Variants in DPP10 observed in about 807,000 individuals in gnomAD.
DPP10 encodes the protein inactive dipeptidyl peptidase 10.
A neutral mutation model predicts 120.9 loss-of-function variants in DPP10; 33 were observed. That is an observed-to-expected ratio of 0.27 (90% CI 0.21 to 0.37). DPP10 has a LOEUF of 0.37. Among genes scored for constraint, DPP10 ranks in the 10% least tolerant of loss-of-function variants. The pLI, the probability that DPP10 is intolerant of heterozygous loss-of-function variation, is 1.00. For missense variants in DPP10, 816 were observed against 942.8 expected, an observed-to-expected ratio of 0.87 and a Z score of 1.76; for synonymous variants, 337 against 326.1, an observed-to-expected ratio of 1.03 and a Z score of -0.36.
chr2:114,821,996 G>A (rs115559133), intron 1 of DPP10, among the ~76,000 whole-genome samples: 1,727 of 152,176 alleles, frequency 0.011, 32 homozygotes, highest in African/African-American at 0.04. Flanking sequence ...TACAATTCTG[G>A]GGTCAGGAGG....
intron 1 of DPP10, among the ~76,000 whole-genome samples, chr2:115,141,501 A>C (rs1281666601): frequency 6.6e-6 from 1 of 152,206 alleles, no homozygotes; most frequent in Non-Finnish European, 1.5e-5. Flanking sequence ...AGAGCATGGA[A>C]TTTGCCTTAC....
At chr2:114,863,721 A>G (rs762839682) in intron 1 of DPP10, among the ~76,000 whole-genome samples, 2 of 152,246 alleles carry the variant, frequency 1.3e-5, no homozygotes, top group Non-Finnish European at 2.9e-5. Flanking sequence ...GGCTGTGACC[A>G]TGGTTAAGGA....
intron 1 of DPP10, among the ~76,000 whole-genome samples, chr2:114,673,736 C>T (rs890760308): frequency 1.3e-5 from 2 of 152,044 alleles, no homozygotes; most frequent in African/African-American, 4.8e-5. Context: ...AATTCATTAC[C>T]TTTTTCTAAG....
intron 3 of DPP10, among the ~76,000 whole-genome samples, chr2:115,430,782 C>T (rs1006357438): frequency 1.3e-5 from 2 of 152,164 alleles, no homozygotes; most frequent in Non-Finnish European, 1.5e-5. Context: ...ACATTGCCCG[C>T]GTCCATAAAA....
At chr2:115,329,546 C>A (rs942201683) in intron 2 of DPP10, among the ~76,000 whole-genome samples, 4 of 152,064 alleles carry the variant, frequency 2.6e-5, no homozygotes, top group African/African-American at 9.7e-5. Flanking sequence ...ATTAACTCAT[C>A]ATTTACATTA....
At chr2:115,238,939 C>T (rs2058132574) in intron 1 of DPP10, among the ~76,000 whole-genome samples, 1 of 152,122 alleles carries the variant, frequency 6.6e-6, no homozygotes, top group Non-Finnish European at 1.5e-5. Flanking sequence ...CAGTCCAAGT[C>T]CCAAAGCTGA....
chr2:115,384,110 A>G (rs145805639), intron 3 of DPP10, among the ~76,000 whole-genome samples: 87 of 152,330 alleles, frequency 5.7e-4, no homozygotes, highest in African/African-American at 1.9e-3. Flanking sequence ...CACCTCAGAT[A>G]TAAAATCTTT....
At chr2:115,365,772 G>T (rs2065043321) in intron 3 of DPP10, among the ~76,000 whole-genome samples, 2 of 151,956 alleles carry the variant, frequency 1.3e-5, no homozygotes, top group South Asian at 4.1e-4. Flanking sequence ...TTTTATTTGA[G>T]CTAAATTGGA....
At chr2:114,927,085 A>G (rs986755977) in intron 1 of DPP10, among the ~76,000 whole-genome samples, 4 of 151,946 alleles carry the variant, frequency 2.6e-5, no homozygotes, top group Non-Finnish European at 5.9e-5. Context: ...TCCTGACCTC[A>G]TGATCCACCC....
chr2:114,808,621 G>A (rs1285541786), intron 1 of DPP10, among the ~76,000 whole-genome samples: 1 of 151,254 alleles, frequency 6.6e-6, no homozygotes, highest in Non-Finnish European at 1.5e-5. Context: ...GTTTACCGTG[G>A]CCTACAGGGC....
chr2:115,652,005 G>T (rs2087822266), intron 5 of DPP10, among the ~76,000 whole-genome samples: 1 of 151,982 alleles, frequency 6.6e-6, no homozygotes, highest in African/African-American at 2.4e-5. Flanking sequence ...AGATATATGA[G>T]AATTCGAATT....
At chr2:115,599,819 C>T (rs1413596697) in intron 5 of DPP10, among the ~76,000 whole-genome samples, 1 of 151,852 alleles carries the variant, frequency 6.6e-6, no homozygotes, top group African/African-American at 2.4e-5. Flanking sequence ...AATTTACTTA[C>T]TGTCACACAT....
chr2:114,503,401 T>A (rs1350041170), intron 1 of DPP10, among the ~76,000 whole-genome samples: 1 of 152,208 alleles, frequency 6.6e-6, no homozygotes, highest in Non-Finnish European at 1.5e-5. Flanking sequence ...TTGGGAGTTT[T>A]GACTGATTAT....
At chr2:115,818,313 A>G (rs961653301) in intron 21 of DPP10, among the ~76,000 whole-genome samples, 1 of 152,220 alleles carries the variant, frequency 6.6e-6, no homozygotes, top group African/African-American at 2.4e-5. Context: ...TAAATTTTAT[A>G]TGTTTTACCA....
chr2:115,088,391 C>T (rs1708905500), intron 1 of DPP10, among the ~76,000 whole-genome samples: 1 of 152,140 alleles, frequency 6.6e-6, no homozygotes, highest in South Asian at 2.1e-4. Flanking sequence ...AAAAATGGTG[C>T]TACCTAGCTA....
At chr2:115,169,972 C>CAGA (rs2053196846) in intron 1 of DPP10, among the ~76,000 whole-genome samples, 3 of 152,132 alleles carry the variant, frequency 2.0e-5, no homozygotes, top group Non-Finnish European at 2.9e-5. Context: ...CTGAGAAAGT[C>CAGA]TGCTCTGAAA....
chr2:115,729,224 TA>T (rs1397085942), intron 8 of DPP10, among the ~76,000 whole-genome samples: 1 of 152,320 alleles, frequency 6.6e-6, no homozygotes, highest in East Asian at 1.9e-4. Flanking sequence ...CAGAATTTAA[TA>T]AACAGGTGGA....
At chr2:114,871,533 C>G (rs1400137777) in intron 1 of DPP10, among the ~76,000 whole-genome samples, 3 of 152,148 alleles carry the variant, frequency 2.0e-5, no homozygotes, top group Admixed American at 6.5e-5. Context: ...AACTTAACTT[C>G]TACTTTGAAA....
At chr2:115,697,109 T>C (rs2091634645) in intron 7 of DPP10, among the ~76,000 whole-genome samples, 1 of 151,952 alleles carries the variant, frequency 6.6e-6, no homozygotes, top group Non-Finnish European at 1.5e-5. Flanking sequence ...GAGAATGGAA[T>C]TAAAACATTC....
Sources: allele counts gnomAD v4.1 joint callset (sites outside exome capture counted in the v4.1 genomes callset), GRCh38; gene constraint gnomAD v4.1.1; transcripts MANE v1.5; gene names NCBI Gene and HGNC (gene_info 2026-07-23, HGNC 2026-07-21).